Variants in GOLGA5 observed in about 807,000 individuals in gnomAD.
GOLGA5 encodes the protein golgin subfamily A member 5.
In GOLGA5, 50 loss-of-function variants were observed where a neutral mutation model predicts 93.5. That is an observed-to-expected ratio of 0.53 (90% CI 0.43 to 0.68). The LOEUF (loss-of-function observed/expected upper bound fraction) is 0.68, where lower values mean the gene tolerates loss of function less well. GOLGA5 is among the 30% of genes least tolerant of loss of function. The pLI, the probability that GOLGA5 is intolerant of heterozygous loss-of-function variation, is 0.00. For synonymous variants in GOLGA5, 312 were observed against 304.5 expected (o/e 1.02, Z -0.26); for missense variants, 760 against 856.4 (o/e 0.89, Z 1.40).
intron 2 of GOLGA5, among the ~76,000 whole-genome samples, chr14:92,805,527 G>A (rs866634212): frequency 3.4e-4 from 52 of 152,294 alleles, no homozygotes; most frequent in African/African-American, 1.1e-3. Context: ...ATTGCTGGGT[G>A]AAACGGTAGC....
intron 10 of GOLGA5, among the ~76,000 whole-genome samples, chr14:92,834,196 A>T (rs12880062): frequency 0.32 from 31,228 of 97,770 alleles, 3,807 homozygotes; most frequent in Non-Finnish European, 0.4. Flanking sequence ...TTTTTTTTTT[A>T]TTTTATTTTT....
chr14:92,824,466 G>A (rs1885374815), intron 8 of GOLGA5, 80 bp from the exon 9 acceptor site: 7 of 701,884 alleles, frequency 1.0e-5, no homozygotes, highest in South Asian at 6.9e-5. Context: ...TCTACCATGT[G>A]CCAGGCACTG....
At chr14:92,799,754 C>T (rs968007840) in intron 2 of GOLGA5, among the ~76,000 whole-genome samples, 18 of 152,042 alleles carry the variant, frequency 1.2e-4, no homozygotes, top group African/African-American at 4.3e-4. Context: ...TATAGGTGTG[C>T]ACCACCACCC....
chr14:92,809,679 C>T (rs1237789956), intron 4 of GOLGA5, among the ~76,000 whole-genome samples, 160 bp downstream of exon 4: 3 of 152,116 alleles, frequency 2.0e-5, no homozygotes, highest in Non-Finnish European at 4.4e-5. Flanking sequence ...ATTGGCTGGG[C>T]GTGGTGGCTC....
At chr14:92,830,807 C>T (rs902453049) in intron 9 of GOLGA5, among the ~76,000 whole-genome samples, 1 of 152,008 alleles carries the variant, frequency 6.6e-6, no homozygotes, top group Non-Finnish European at 1.5e-5. Context: ...ATTATGTTGC[C>T]CAAGCTGGTT....
chr14:92,809,302 T>C lies in GOLGA5; in HGVS notation c.775T>C (p.Leu259=). ...LQRSKETQEE[L]NKARARVEKW... ...GAGAAATTTAAATTTTTTAATAGAA[T>C]TAAACAAAGCAAGAGCAAGAGTTGA... Residue 259 remains leucine (L), a splice_region_variant and synonymous_variant, in exon 4 of 13, where the codon TTA becomes CTA. Transcript: ENST00000163416. 6.2e-7 allele frequency: 1 copy of C among 1,604,070 alleles called. No individual in the cohort carries two copies. Among genetic ancestry groups the C allele is most frequent in the Non-Finnish European group, 8.5e-7 (1 of 1,171,048 alleles).
intron 2 of GOLGA5, among the ~76,000 whole-genome samples, chr14:92,798,509 T>C (rs764495529): frequency 2.0e-5 from 3 of 152,216 alleles, no homozygotes; most frequent in Non-Finnish European, 4.4e-5. Flanking sequence ...TTAGAACTCT[T>C]GTTTTCAATT....
At chr14:92,819,334 G>GC (rs911804768) in intron 7 of GOLGA5, among the ~76,000 whole-genome samples, 5 of 152,106 alleles carry the variant, frequency 3.3e-5, no homozygotes, top group Non-Finnish European at 7.4e-5. Flanking sequence ...TGCCTCCTGA[G>GC]CCCAGCACAT....
chr14:92,808,101 G>A (rs181517638), intron 3 of GOLGA5, among the ~76,000 whole-genome samples: 35 of 152,276 alleles, frequency 2.3e-4, no homozygotes, highest in Admixed American at 2.2e-3. Context: ...GGGCATGGTG[G>A]CGCGTGCCTG....
In GOLGA5 at chr14:92,819,744, G is replaced by A; in HGVS notation, c.1528G>A (p.Ala510Thr). Residue 510 changes from alanine (A) to threonine (T), a missense_variant, in exon 8 of 13, where the codon GCA becomes ACA. Ala to Thr is a moderately conservative substitution (Grantham distance 58, BLOSUM62 0). Coordinates refer to ENST00000163416, the MANE Select transcript of GOLGA5 (RefSeq NM_005113.4). ...ACAGCAAGTTAATGAAGCAGAATCA[G>A]CAAGAGAACAGTTACAGGATCTGCA... Reference protein sequence around the residue: ...EAQQVNEAESAREQLQDLHDQ... With the variant: ...EAQQVNEAESTREQLQDLHDQ... 6.2e-7 allele frequency: 1 copy of A among 1,613,860 alleles called. No homozygotes were observed. Among genetic ancestry groups the A allele is most frequent in the Non-Finnish European group, 8.5e-7 (1 of 1,179,704 alleles).
intron 12 of GOLGA5, among the ~76,000 whole-genome samples, chr14:92,838,614 C>T (rs1885695650): frequency 6.6e-6 from 1 of 152,164 alleles, no homozygotes; most frequent in South Asian, 2.1e-4. Context: ...AATCCGCCCT[C>T]TTCGGCCTCC....
chr14:92,831,202 T>C lies in GOLGA5; in HGVS notation c.1720-1920T>C, dbSNP rs79188532. ...CAGCAGCACAACCACTTTGGAAAAC[T>C]GGCTGTTTCTGATAAGGCTAACGTA... is the stretch of plus-strand genomic sequence containing the variant. On this transcript the variant is annotated intron_variant, in intron 9 of 12. Coordinates refer to ENST00000163416, the MANE Select transcript of GOLGA5 (RefSeq NM_005113.4). 2.0e-5 allele frequency among the ~76,000 whole-genome samples: 3 copies of C among 152,298 alleles called. No homozygotes were observed. In the South Asian group the frequency reaches 6.2e-4, roughly 32 times the overall value.
rs756910025 is a variant in GOLGA5 at position 92,806,734 on chromosome 14, A to G, written c.545-2A>G. ...AACAAAAACGTATTCTTTTTTTTACAGAAGCTGCCAGTAACTCAGATTCTA... is the reference window on the plus strand; with the variant it reads ...AACAAAAACGTATTCTTTTTTTTACGGAAGCTGCCAGTAACTCAGATTCTA... On this transcript the variant is annotated splice_acceptor_variant, in intron 2 of 12. Transcript: ENST00000163416. LOFTEE classifies it high-confidence loss of function. 3 of 1,603,018 alleles carry G rather than the reference A, an allele frequency of 1.9e-6. No homozygotes were observed. Among genetic ancestry groups the G allele is most frequent in the Middle Eastern group, 1.7e-4 (1 of 6,052 alleles).
intron 3 of GOLGA5, among the ~76,000 whole-genome samples, chr14:92,808,105 G>T (rs186209966): frequency 1.3e-5 from 2 of 152,094 alleles, no homozygotes; most frequent in African/African-American, 4.8e-5. Flanking sequence ...ATGGTGGCGC[G>T]TGCCTGTTAT....
intron 9 of GOLGA5, among the ~76,000 whole-genome samples, chr14:92,827,560 G>A (rs753830157): frequency 6.6e-6 from 1 of 151,990 alleles, no homozygotes; most frequent in East Asian, 1.9e-4. Flanking sequence ...ATTGAAATTA[G>A]GCCAATTAAT....
intron 9 of GOLGA5, among the ~76,000 whole-genome samples, chr14:92,832,709 G>A (rs901639953): frequency 6.6e-6 from 1 of 152,188 alleles, no homozygotes; most frequent in Non-Finnish European, 1.5e-5. Context: ...GGAGGCTTTT[G>A]AATCCCTGTT....
chr14:92,812,593 T>G (rs190401558), intron 6 of GOLGA5, among the ~76,000 whole-genome samples: 4 of 152,212 alleles, frequency 2.6e-5, no homozygotes, highest in Admixed American at 6.5e-5. Flanking sequence ...CTACTACATG[T>G]CTGAAATTTC....
intron 11 of GOLGA5, 74 bp from the exon 12 acceptor site, chr14:92,837,312 A>G (rs1203488683): frequency 2.7e-6 from 2 of 748,664 alleles, no homozygotes; most frequent in African/African-American, 1.8e-5. Flanking sequence ...GCATCATTAG[A>G]TATTACCACA....
At chr14:92,839,009 ACT>A (rs1234965278) in intron 12 of GOLGA5, among the ~76,000 whole-genome samples, 3 of 152,108 alleles carry the variant, frequency 2.0e-5, no homozygotes, top group Admixed American at 1.3e-4. Flanking sequence ...CATTGGTTAA[ACT>A]CTCTTTCAGA....
Sources: gnomAD v4.1 joint callset for allele counts (sites outside exome capture counted in the v4.1 genomes callset) on GRCh38, gnomAD v4.1.1 for gene constraint, MANE v1.5 for transcripts, NCBI Gene and HGNC (gene_info 2026-07-23, HGNC 2026-07-21) for gene names.